The following DGKG variants were observed in gnomAD, a reference collection of about 807,000 sequenced individuals.
DGKG encodes DAG kinase gamma.
Under a neutral mutation model 105.3 loss-of-function variants are expected in DGKG, and 78 were observed. The ratio of observed to expected loss-of-function variants is 0.74; its 90% CI spans 0.62 to 0.89. The LOEUF is 0.89. DGKG is among the 40% of genes least tolerant of loss of function. DGKG has a pLI of 0.00. For synonymous variants in DGKG, 346 were observed against 367.1 expected (o/e 0.94, Z 0.66); for missense variants, 958 against 1,020.1 (o/e 0.94, Z 0.83).
rs539177174 is a variant in DGKG, at chr3:186,226,445, C to G, written c.1827-14560G>C. Reference sequence around the variant, plus strand: ...CACCCCAACCCTGCATATACAGAAACCGTGATTATGAGCAGCCGCTTCCCC... The same window carrying G: ...CACCCCAACCCTGCATATACAGAAAGCGTGATTATGAGCAGCCGCTTCCCC... On this transcript the variant is annotated intron_variant, in intron 20 of 24. Coordinates refer to ENST00000265022, the MANE Select transcript of DGKG (RefSeq NM_001346.3). The surrounding 1 kb of genome is among the most constrained non-coding windows in gnomAD (Gnocchi z 4.2). Among the ~76,000 whole-genome samples, 1 of 152,088 alleles carries G rather than the reference C, an allele frequency of 6.6e-6. No homozygotes were observed. Among genetic ancestry groups the G allele is most frequent in the African/African-American group, 2.4e-5 (1 of 41,420 alleles).
chr3:186,172,179 A>G lies in DGKG; in HGVS notation c.2096-7161T>C, dbSNP rs557484153. On this transcript the variant is annotated intron_variant, in intron 22 of 24. Transcript: ENST00000265022. ...GCTTTTTTGCATTAGTGAAAATTCA[A>G]TCAATCATTTAAGAGGCAGGGGAAT... Among the ~76,000 whole-genome samples, 58 of 152,292 alleles carry G rather than the reference A, an allele frequency of 3.8e-4. 1 individual carries two copies. The South Asian group carries it at 7.7e-3, about 20-fold the overall frequency.
chr3:186,158,788 T>C, intron 24 of DGKG: 2 of 922,904 alleles, frequency 2.2e-6, no homozygotes, highest in South Asian at 1.0e-4. Flanking sequence ...TTTATATATT[T>C]TGATTCTGTT....
At chr3:186,297,564 G>C in intron 4 of DGKG, 81 bp from the exon 5 acceptor site, 1 of 986,058 alleles carries the variant, frequency 1.0e-6, no homozygotes, top group Non-Finnish European at 1.6e-6. Context: ...ATCCCCATGG[G>C]ACCTGGTTTG....
At chr3:186,253,253 C>A in intron 17 of DGKG, 71 bp from the exon 18 acceptor site, 1 of 1,261,892 alleles carries the variant, frequency 7.9e-7, no homozygotes. Flanking sequence ...GTCTTTTTAT[C>A]CCTGATCTGA....
intron 21 of DGKG, among the ~76,000 whole-genome samples, chr3:186,201,396 G>A (rs1275226485): frequency 6.6e-6 from 1 of 152,060 alleles, no homozygotes; most frequent in Non-Finnish European, 1.5e-5. Flanking sequence ...GCCCTGCAGG[G>A]TGACTTCCAC....
At position 186,320,635 on chromosome 3, in the gene DGKG, C is replaced by T. The variant is rs549579626; in HGVS notation, c.-176G>A. 2.9e-6 allele frequency: 3 copies of T among 1,035,778 alleles called. No individual in the cohort carries two copies. The highest frequency in any genetic ancestry group is 4.2e-5 in the South Asian group (2 of 47,442). The allele number at this position is 1,035,778 out of a possible 1,614,324, so 64.2% of individuals were successfully genotyped here. On this transcript the variant is annotated 5_prime_UTR_variant, in exon 2 of 25. Coordinates refer to ENST00000265022, the MANE Select transcript of DGKG (RefSeq NM_001346.3). ...AGCAGGCACCTCTCAGAAGATGAGA[C>T]AAGATCTCTGCTATTCCTTAGGCAA...
chr3:186,327,660 GC>G (rs1725413663), intron 1 of DGKG, among the ~76,000 whole-genome samples: 1 of 151,638 alleles, frequency 6.6e-6, no homozygotes, highest in Admixed American at 6.6e-5. Context: ...TGATCCACCT[GC>G]CTCGGTCTCC....
At chr3:186,337,647 T>C (rs1578852729) in intron 1 of DGKG, among the ~76,000 whole-genome samples, 1 of 152,026 alleles carries the variant, frequency 6.6e-6, no homozygotes, top group Non-Finnish European at 1.5e-5. Context: ...AAGACAAAAT[T>C]AGAGGTATAT....
At chr3:186,303,004 G>A (rs1418151219) in intron 3 of DGKG, among the ~76,000 whole-genome samples, 1 of 152,130 alleles carries the variant, frequency 6.6e-6, no homozygotes, top group African/African-American at 2.4e-5. Flanking sequence ...GCCCCAGCGA[G>A]CTAGCAGCAG....
chr3:186,319,089 A>C (rs902271131), intron 2 of DGKG, among the ~76,000 whole-genome samples: 1 of 152,276 alleles, frequency 6.6e-6, no homozygotes, highest in African/African-American at 2.4e-5. Context: ...TAGCTGAATT[A>C]AATTGAATTT....
At chr3:186,249,147 T>A (rs1272678073) in intron 19 of DGKG, among the ~76,000 whole-genome samples, 1 of 152,006 alleles carries the variant, frequency 6.6e-6, no homozygotes, top group Non-Finnish European at 1.5e-5. Flanking sequence ...AGGGAGGGCA[T>A]CTGCGTGGGT....
intron 4 of DGKG, 95 bp downstream of exon 4, chr3:186,297,969 T>A: frequency 2.8e-6 from 4 of 1,414,678 alleles, no homozygotes; most frequent in Non-Finnish European, 3.8e-6. Context: ...GGGCAGTTAC[T>A]ATGTTCAGGG....
chr3:186,275,481 G>A, intron 10 of DGKG, 66 bp downstream of exon 10: 1 of 1,364,144 alleles, frequency 7.3e-7, no homozygotes, highest in Non-Finnish European at 1.0e-6. Context: ...CTCTGCAATG[G>A]ATCAACCAAC....
intron 1 of DGKG, among the ~76,000 whole-genome samples, chr3:186,324,885 AC>A (rs1205719526): frequency 6.6e-6 from 1 of 152,206 alleles, no homozygotes; most frequent in African/African-American, 2.4e-5. Context: ...AGACACGTGC[AC>A]TCATATGTTC....
chr3:186,176,041 G>A (rs1227036795), intron 22 of DGKG, among the ~76,000 whole-genome samples: 2 of 152,194 alleles, frequency 1.3e-5, no homozygotes, highest in African/African-American at 4.8e-5. Flanking sequence ...GCAAGGCAGA[G>A]ACAAAGTACC....
In DGKG at chr3:186,288,760, A is replaced by G. The variant is rs200243841; in HGVS notation, c.494T>C (p.Val165Ala). The change falls in exon 6 of 25, where the codon GTG (valine) becomes GCG (alanine). Residue 165 changes from valine to alanine, a missense_variant. Physicochemically the swap from Val to Ala is moderately conservative, Grantham distance 64. Around this residue, in one of 2 missense-constraint regions of DGKG, gnomAD observed 643 missense variants for 619.5 expected, o/e 1.04. Coordinates refer to ENST00000265022, the MANE Select transcript of DGKG (RefSeq NM_001346.3). Reference protein sequence around the residue: ...ESPVVYLKDVVCYLSLLETGR... With the variant: ...ESPVVYLKDVACYLSLLETGR... ...CGTCTCCAGCAGGGACAGGTAGCACACAACATCCTTCAGGTATACCACTGG... is the reference window on the plus strand; with the variant it reads ...CGTCTCCAGCAGGGACAGGTAGCACGCAACATCCTTCAGGTATACCACTGG... 2.9e-5 allele frequency: 47 copies of G among 1,614,102 alleles called. No homozygotes were observed. The highest frequency in any genetic ancestry group is 1.5e-4 in the Admixed American group (9 of 60,006).
At chr3:186,321,519 G>A (rs559411221) in intron 1 of DGKG, among the ~76,000 whole-genome samples, 1 of 152,162 alleles carries the variant, frequency 6.6e-6, no homozygotes, top group Admixed American at 6.5e-5. Flanking sequence ...TACAAGCATG[G>A]TTGGGAAGCC....
In DGKG at chr3:186,231,575, C is replaced by G. The variant is rs1720154534; in HGVS notation, c.1826+10929G>C. ...AGCAGGACTGATTACATTGGGAAAACCACCTTTCTAAACACTTTAATAAAT... is the reference window on the plus strand; with the variant it reads ...AGCAGGACTGATTACATTGGGAAAAGCACCTTTCTAAACACTTTAATAAAT... On this transcript the variant is annotated intron_variant, in intron 20 of 24. Transcript: ENST00000265022. This position sits in a 1 kb window ranked among gnomAD's most constrained non-coding sequence, Gnocchi z 4.5. Among the ~76,000 whole-genome samples the G allele has an allele frequency of 6.6e-6, 1 of 152,098 alleles. No homozygotes were observed. Among genetic ancestry groups the G allele is most frequent in the South Asian group, 2.1e-4 (1 of 4,820 alleles).
At chr3:186,356,200 C>T (rs1284576494) in intron 1 of DGKG, among the ~76,000 whole-genome samples, 1 of 152,090 alleles carries the variant, frequency 6.6e-6, no homozygotes, top group Non-Finnish European at 1.5e-5. Flanking sequence ...AGTGGAATGC[C>T]TCAGAATCCC....
Sources: gnomAD v4.1 joint callset for allele counts (sites outside exome capture counted in the v4.1 genomes callset) on GRCh38, gnomAD v4.1.1 for gene constraint, gnomAD v4.1.1 regional missense constraint, Gnocchi (gnomAD v3.1) non-coding constraint, MANE v1.5 for transcripts, NCBI Gene and HGNC (gene_info 2026-07-23, HGNC 2026-07-21) for gene names.